HNF4G: variants seen among roughly 807,000 people sequenced by gnomAD.
HNF4G encodes the protein hepatocyte nuclear factor 4 gamma.
In HNF4G, 21 loss-of-function variants were observed where a neutral mutation model predicts 50.9. The observed-to-expected ratio is 0.41, with a 90% CI of 0.29 to 0.59. HNF4G has a LOEUF of 0.59. HNF4G is among the 20% of genes least tolerant of loss of function. The pLI is 0.26. For missense variants in HNF4G, 527 were observed against 559.4 expected, an observed-to-expected ratio of 0.94 and a Z score of 0.58; for synonymous variants, 198 against 185.6, an observed-to-expected ratio of 1.07 and a Z score of -0.54.
At chr8:75,517,787 C>T (rs1304152051) in intron 2 of HNF4G, among the ~76,000 whole-genome samples, 1 of 152,022 alleles carries the variant, frequency 6.6e-6, no homozygotes, top group Non-Finnish European at 1.5e-5. Context: ...AAGACGGTGG[C>T]CCTCTTCTTA....
intron 1 of HNF4G, among the ~76,000 whole-genome samples, chr8:75,413,791 A>T (rs1174129963): frequency 1.3e-5 from 2 of 152,044 alleles, no homozygotes; most frequent in Non-Finnish European, 2.9e-5. Flanking sequence ...TAGGAGGCTG[A>T]GATTGCAGTG....
chr8:75,540,725 G>A (rs1806594391), intron 1 of HNF4G, among the ~76,000 whole-genome samples: 1 of 151,962 alleles, frequency 6.6e-6, no homozygotes. Flanking sequence ...GTGTCTTTAT[G>A]TAATACAGCT....
chr8:75,475,427 CAT>C (rs1563521039), intron 1 of HNF4G, among the ~76,000 whole-genome samples: 2 of 151,802 alleles, frequency 1.3e-5, no homozygotes, highest in Non-Finnish European at 1.5e-5. Context: ...CCTGTGAGCA[CAT>C]GTGTATATGA....
intron 1 of HNF4G, among the ~76,000 whole-genome samples, chr8:75,455,170 T>G (rs955183028): frequency 1.3e-5 from 2 of 152,184 alleles, no homozygotes; most frequent in African/African-American, 4.8e-5. Context: ...AAACATTGAT[T>G]TAAGTTTTTG....
chr8:75,468,949 T>C (rs1812054295), intron 1 of HNF4G, among the ~76,000 whole-genome samples: 1 of 151,720 alleles, frequency 6.6e-6, no homozygotes, highest in African/African-American at 2.4e-5. Context: ...AAAAGCTGCA[T>C]TAGTTAGCTA....
intron 1 of HNF4G, among the ~76,000 whole-genome samples, chr8:75,426,191 G>C (rs1198984872): frequency 6.6e-6 from 1 of 152,066 alleles, no homozygotes; most frequent in African/African-American, 2.4e-5. Context: ...ATATTCCTAA[G>C]TTTTTAGACT....
chr8:75,544,918 G>A (rs1406277102), intron 2 of HNF4G, among the ~76,000 whole-genome samples: 1 of 151,918 alleles, frequency 6.6e-6, no homozygotes, highest in African/African-American at 2.4e-5. Context: ...TGATTTCCTA[G>A]GGTGCAATAC....
intron 1 of HNF4G, among the ~76,000 whole-genome samples, chr8:75,441,022 A>T (rs2130546190): frequency 6.6e-6 from 1 of 152,046 alleles, no homozygotes; most frequent in East Asian, 1.9e-4. Context: ...GCCCACCTAA[A>T]TTTTAAATTT....
At chr8:75,534,874 A>T (rs141401839), upstream of HNF4G, among the ~76,000 whole-genome samples, 1,382 of 151,960 alleles carry the variant, frequency 9.1e-3, 11 homozygotes, top group Non-Finnish European at 0.014. Context: ...TTATTATAAT[A>T]AAACTATGTA....
At chr8:75,425,205 C>T (rs918566795) in intron 1 of HNF4G, among the ~76,000 whole-genome samples, 36 of 152,108 alleles carry the variant, frequency 2.4e-4, no homozygotes, top group Admixed American at 2.0e-3. Flanking sequence ...CCGTCTCAGC[C>T]TCCCGAGTAG....
At chr8:75,443,483 C>T (rs1039943426) in intron 1 of HNF4G, among the ~76,000 whole-genome samples, 2 of 152,132 alleles carry the variant, frequency 1.3e-5, no homozygotes, top group Admixed American at 1.3e-4. Context: ...TTTATTTTAG[C>T]CTCATAATGA....
intron 5 of HNF4G, among the ~76,000 whole-genome samples, chr8:75,555,438 G>A (rs950738173): frequency 1.3e-5 from 2 of 152,144 alleles, no homozygotes; most frequent in African/African-American, 4.8e-5. Context: ...AATCTAGAAA[G>A]CGGCAGAACC....
intron 2 of HNF4G, among the ~76,000 whole-genome samples, chr8:75,493,626 A>T (rs556409450): frequency 6.6e-6 from 1 of 152,240 alleles, no homozygotes; most frequent in South Asian, 2.1e-4. Flanking sequence ...TTCTTTTTTT[A>T]AAAAAGTATA....
intron 1 of HNF4G, among the ~76,000 whole-genome samples, chr8:75,474,719 A>AT (rs1226123601): frequency 6.6e-6 from 1 of 151,956 alleles, no homozygotes; most frequent in Non-Finnish European, 1.5e-5. Context: ...AATAAATATT[A>AT]TTTTTTGTCG....
Position 75,553,031 on chromosome 8 carries a change from C to A in HNF4G, c.490-11C>A. ...TTTTAAATGATAATATAATGCTTTTCTTAATACTAGATCTCAGTCTCAAGC... is the reference window on the plus strand; with the variant it reads ...TTTTAAATGATAATATAATGCTTTTATTAATACTAGATCTCAGTCTCAAGC... On this transcript the variant is annotated splice_polypyrimidine_tract_variant and intron_variant, in intron 4 of 9. Transcript: ENST00000396423. 2 of 1,590,258 alleles carry A rather than the reference C, an allele frequency of 1.3e-6. No homozygotes were observed. The highest frequency in any genetic ancestry group is 1.7e-6 in the Non-Finnish European group (2 of 1,166,512).
chr8:75,426,295 C>T (rs1563501396), intron 1 of HNF4G, among the ~76,000 whole-genome samples: 1 of 152,198 alleles, frequency 6.6e-6, no homozygotes, highest in Non-Finnish European at 1.5e-5. Flanking sequence ...ATCACATCTT[C>T]CCTGATCTCT....
At chr8:75,549,258 T>C (rs1806874930) in intron 3 of HNF4G, among the ~76,000 whole-genome samples, 1 of 152,182 alleles carries the variant, frequency 6.6e-6, no homozygotes, top group African/African-American at 2.4e-5. Flanking sequence ...GCAAGATTAA[T>C]TAGATGGAAA....
At chr8:75,511,930 T>TA (rs1371040034) in intron 2 of HNF4G, among the ~76,000 whole-genome samples, 1 of 152,342 alleles carries the variant, frequency 6.6e-6, no homozygotes, top group East Asian at 1.9e-4. Context: ...CTAAGTACCC[T>TA]AGTGTTTTTG....
intron 1 of HNF4G, among the ~76,000 whole-genome samples, chr8:75,479,607 T>A (rs1812324443): frequency 6.6e-6 from 1 of 151,858 alleles, no homozygotes; most frequent in South Asian, 2.1e-4. Flanking sequence ...TATGTGTCTC[T>A]TATATAAAGA....
Sources: allele counts gnomAD v4.1 joint callset (sites outside exome capture counted in the v4.1 genomes callset), GRCh38; gene constraint gnomAD v4.1.1; transcripts MANE v1.5; gene names NCBI Gene and HGNC (gene_info 2026-07-23, HGNC 2026-07-21).